The following PCDHGB6 variants were observed in gnomAD, a reference collection of about 807,000 sequenced individuals.
PCDHGB6 encodes the protein protocadherin gamma-B6.
A neutral mutation model predicts 59.1 loss-of-function variants in PCDHGB6; 51 were observed. The ratio of observed to expected loss-of-function variants is 0.86; its 90% CI spans 0.69 to 1.09. The LOEUF (loss-of-function observed/expected upper bound fraction) is 1.09. Ranked by LOEUF, PCDHGB6 falls within the 50% of genes least tolerant of loss-of-function variation. The probability of loss-of-function intolerance (pLI) is 0.00; values close to 1 mark genes in which losing one functional copy is unlikely to be tolerated. For synonymous variants in PCDHGB6, 466 were observed against 495.1 expected, an observed-to-expected ratio of 0.94 and a Z score of 0.78; for missense variants, 1,148 against 1,205.1, an observed-to-expected ratio of 0.95 and a Z score of 0.70.
At chr5:141,433,358 C>CCTAG (rs1554125965) in intron 1 of PCDHGB6, 2 of 498,106 alleles carry the variant, frequency 4.0e-6, no homozygotes, top group African/African-American at 4.2e-5. Flanking sequence ...CTACTGTCTG[C>CCTAG]CTATCTATCT....
At chr5:141,458,058 C>T (rs997664641) in intron 1 of PCDHGB6, among the ~76,000 whole-genome samples, 3 of 152,196 alleles carry the variant, frequency 2.0e-5, no homozygotes, top group Non-Finnish European at 4.4e-5. Context: ...TCTTGCTGCA[C>T]TGATGCGAAC....
rs191953163 is a variant in PCDHGB6 at position 141,426,385 on chromosome 5, C to T, written c.2418+15765C>T. Reference sequence around the variant, plus strand: ...CTGCGGGGCACCCTCGGAGCAGATCCGCTACTCTATTCCAGAAGAAACGGT... The same window carrying T: ...CTGCGGGGCACCCTCGGAGCAGATCTGCTACTCTATTCCAGAAGAAACGGT... On this transcript the variant is annotated intron_variant, in intron 1 of 3. Transcript: ENST00000520790. 1.4e-3 allele frequency: 332 copies of T among 244,362 alleles called. 1 individual carries two copies. The highest frequency in any genetic ancestry group is 1.5e-3 in the Non-Finnish European group (188 of 121,940). 15.1% of individuals were successfully genotyped at this position (244,362 alleles called of 1,614,324 possible). A position where few individuals can be genotyped will look rare whatever the true frequency, so the allele number is the denominator to read the frequency against.
In PCDHGB6 at chr5:141,410,215, A is replaced by G. The variant is rs2095369286; in HGVS notation, c.2013A>G (p.Ile671Met). 11 of 1,613,894 alleles carry G rather than the reference A, an allele frequency of 6.8e-6. No homozygotes were observed. The highest frequency in any genetic ancestry group is 8.5e-6 in the Non-Finnish European group (10 of 1,179,880). The stretch of plus-strand genomic sequence containing the variant: ...TCTTCGCAGACAACTTGCAAGAGAT[A>G]CTGCCAGACCTCAGCGACCGCCCTG... ...HLVFADNLQE[I>M]LPDLSDRPVL... The change falls in exon 1 of 4, where the codon ATA becomes ATG. Residue 671 changes from isoleucine (I) to methionine (M), a missense_variant. Ile to Met is a conservative substitution (Grantham distance 10). Coordinates refer to ENST00000520790, the MANE Select transcript of PCDHGB6 (RefSeq NM_018926.3).
chr5:141,424,023 A>G (rs1391381195), intron 1 of PCDHGB6: 1 of 1,047,166 alleles, frequency 9.5e-7, no homozygotes, highest in Non-Finnish European at 1.2e-6. Context: ...TGATTCACAA[A>G]CACTTTTTAT....
chr5:141,419,514 T>C (rs1180212485), intron 1 of PCDHGB6: 1 of 1,612,266 alleles, frequency 6.2e-7, no homozygotes, highest in Admixed American at 1.7e-5. Context: ...CGCGTGTTGG[T>C]GGGCGACCGT....
At chr5:141,469,372 C>G (rs780872014) in intron 1 of PCDHGB6, among the ~76,000 whole-genome samples, 5 of 151,990 alleles carry the variant, frequency 3.3e-5, no homozygotes, top group Non-Finnish European at 5.9e-5. Flanking sequence ...GTAAAGAGAT[C>G]GAGACCATCC....
chr5:141,487,351 T>A lies in PCDHGB6; in HGVS notation c.2419-7456T>A. 6.2e-7 allele frequency: 1 copy of A among 1,614,210 alleles called. No individual in the cohort carries two copies. The highest frequency in any genetic ancestry group is 8.5e-7 in the Non-Finnish European group (1 of 1,180,038). On this transcript the variant is annotated intron_variant, in intron 1 of 3. Transcript: ENST00000520790. The surrounding 1 kb of genome is among the most constrained non-coding windows in gnomAD (Gnocchi z 5.0). ...GGGCAGCCTGTGGAGTCACATGCTT[T>A]CCTGCTGGCACCTGTGCCTGTCTCA...
intron 1 of PCDHGB6, among the ~76,000 whole-genome samples, chr5:141,472,131 A>C (rs565506002): frequency 6.6e-6 from 1 of 152,264 alleles, no homozygotes; most frequent in Non-Finnish European, 1.5e-5. Flanking sequence ...AGAGAAGTTA[A>C]AAATAAAAGT....
chr5:141,428,043 A>C (rs765740380), intron 1 of PCDHGB6: 1 of 1,608,722 alleles, frequency 6.2e-7, no homozygotes, highest in South Asian at 1.1e-5. Context: ...CTACCTGGTG[A>C]CCAAGGTGGT....
intron 1 of PCDHGB6, chr5:141,427,265 C>T (rs767369457): frequency 6.1e-5 from 28 of 456,570 alleles, no homozygotes; most frequent in Non-Finnish European, 1.1e-4. Context: ...GCATGACCAG[C>T]GAATGTAAAA....
In PCDHGB6 at chr5:141,431,766, C is replaced by T. The variant is rs1474420822; in HGVS notation, c.2418+21146C>T. Reference sequence around the variant, plus strand: ...TCTGCGCGAGCCAAAGTCCTGATCACTGTTCTGGACGTGAACGACAATGCC... The same window carrying T: ...TCTGCGCGAGCCAAAGTCCTGATCATTGTTCTGGACGTGAACGACAATGCC... On this transcript the variant is annotated intron_variant, in intron 1 of 3. Transcript: ENST00000520790. The surrounding 1 kb of genome is among the most constrained non-coding windows in gnomAD (Gnocchi z 4.8). 2.5e-6 allele frequency: 4 copies of T among 1,614,196 alleles called. No individual in the cohort carries two copies. Among genetic ancestry groups the T allele is most frequent in the Non-Finnish European group, 3.4e-6 (4 of 1,180,010 alleles).
At chr5:141,447,837 G>A (rs952923627) in intron 1 of PCDHGB6, among the ~76,000 whole-genome samples, 10 of 152,170 alleles carry the variant, frequency 6.6e-5, no homozygotes, top group African/African-American at 2.4e-4. Flanking sequence ...TGTAATCCCA[G>A]TGCTTTGGGA....
At chr5:141,500,500 C>T (rs6872480) in intron 2 of PCDHGB6, among the ~76,000 whole-genome samples, 1,599 of 152,210 alleles carry the variant, frequency 0.011, 36 homozygotes, top group African/African-American at 0.036. Context: ...TGAGCCACCG[C>T]GCCTGGCCGA....
In PCDHGB6 at chr5:141,477,880, C is replaced by T. The variant is rs763789849; in HGVS notation, c.2419-16927C>T. 10 of 1,614,058 alleles carry T rather than the reference C, an allele frequency of 6.2e-6. No homozygotes were observed. The African/African-American group carries it at 1.2e-4, about 19-fold the overall frequency. ...TGCCTCGAGGTACCTCAGCTGGCCA[C>T]CTAGTGTCACGGGTGGTAGGCTGGG... is the stretch of plus-strand genomic sequence containing the variant. On this transcript the variant is annotated intron_variant, in intron 1 of 3. Transcript: ENST00000520790. The surrounding 1 kb of genome is among the most constrained non-coding windows in gnomAD (Gnocchi z 4.9).
At chr5:141,482,606 T>G (rs2099569173) in intron 1 of PCDHGB6, among the ~76,000 whole-genome samples, 1 of 146,712 alleles carries the variant, frequency 6.8e-6, no homozygotes, top group African/African-American at 2.6e-5. Context: ...AAAAAACACC[T>G]AAATGAGCCT....
At chr5:141,433,995 C>G (rs995723859) in intron 1 of PCDHGB6, among the ~76,000 whole-genome samples, 1 of 152,028 alleles carries the variant, frequency 6.6e-6, no homozygotes, top group Non-Finnish European at 1.5e-5. Context: ...GTTTTATATT[C>G]TCTATATATG....
intron 1 of PCDHGB6, among the ~76,000 whole-genome samples, chr5:141,460,070 T>C (rs547558436): frequency 2.0e-5 from 3 of 152,202 alleles, no homozygotes; most frequent in South Asian, 2.1e-4. Flanking sequence ...AGAGTGAGAC[T>C]TCATCTAAAA....
intron 2 of PCDHGB6, 179 bp downstream of exon 2, chr5:141,495,044 T>C (rs2099758475): frequency 1.1e-6 from 1 of 944,572 alleles, no homozygotes; most frequent in Non-Finnish European, 1.3e-6. Flanking sequence ...AAGAGGCGAC[T>C]GCCCTGACTG....
intron 1 of PCDHGB6, chr5:141,419,333 A>T (rs1219255880): frequency 6.2e-7 from 1 of 1,613,804 alleles, no homozygotes; most frequent in South Asian, 1.1e-5. Context: ...CTACTCTCTC[A>T]TTGCCAGCGA....
Sources: allele counts gnomAD v4.1 joint callset (sites outside exome capture counted in the v4.1 genomes callset), GRCh38; gene constraint gnomAD v4.1.1; non-coding constraint Gnocchi (gnomAD v3.1); transcripts MANE v1.5; gene names NCBI Gene and HGNC (gene_info 2026-07-23, HGNC 2026-07-21).